Variants in ATP10B observed in about 807,000 individuals in gnomAD.
ATP10B encodes the protein ATPase phospholipid transporting 10B (putative), also known as phospholipid-transporting ATPase VB.
Under a neutral mutation model 141.2 loss-of-function variants are expected in ATP10B, and 122 were observed. The observed-to-expected ratio is 0.86, with a 90% CI of 0.75 to 1.00. ATP10B has a LOEUF of 1.00. ATP10B is among the 50% of genes least tolerant of loss of function. ATP10B has a pLI of 0.00. For synonymous variants in ATP10B, 685 were observed against 692.0 expected (o/e 0.99, Z 0.16); for missense variants, 1,876 against 1,825.3 (o/e 1.03, Z -0.51).
chr5:160,622,683 G>T, intron 13 of ATP10B, 98 bp from the exon 14 acceptor site: 2 of 1,123,024 alleles, frequency 1.8e-6, no homozygotes, highest in Non-Finnish European at 2.5e-6. Flanking sequence ...CAGCTTCATT[G>T]CAGTCTTGCA....
chr5:160,881,864 C>T, the ATP10B span, among the ~76,000 whole-genome samples: 1 of 151,896 alleles, frequency 6.6e-6, no homozygotes, highest in Non-Finnish European at 1.5e-5. Context: ...TTGGACGCAA[C>T]CAAGATTTCC....
chr5:160,766,253 A>T (rs542937470), intron 2 of ATP10B, among the ~76,000 whole-genome samples: 34 of 152,114 alleles, frequency 2.2e-4, no homozygotes, highest in African/African-American at 8.0e-4. Flanking sequence ...ACACTTGCAC[A>T]TCCATGTTTA....
intron 24 of ATP10B, among the ~76,000 whole-genome samples, chr5:160,580,232 G>A (rs1755456500): frequency 6.6e-6 from 1 of 152,130 alleles, no homozygotes; most frequent in African/African-American, 2.4e-5. Context: ...TGGCATCCTT[G>A]TTTTCTGTCG....
At chr5:160,758,652 A>G (rs1345596333) in intron 2 of ATP10B, among the ~76,000 whole-genome samples, 1 of 152,046 alleles carries the variant, frequency 6.6e-6, no homozygotes, top group African/African-American at 2.4e-5. Flanking sequence ...ACTTGGGGAG[A>G]CTGCTAACCT....
chr5:160,900,908 GTTTTTTTTT>G, the ATP10B span, among the ~76,000 whole-genome samples: 7 of 88,954 alleles, frequency 7.9e-5, no homozygotes, highest in Non-Finnish European at 1.0e-4. Context: ...GGGTAGAGAA[GTTTTTTTTT>G]TTTTTTTTTT....
At position 160,722,571 on chromosome 5, in the gene ATP10B, G is replaced by A. The variant is rs77224823; in HGVS notation, c.-330-5537C>T. Reference sequence around the variant, plus strand: ...TCAAAACACAGGGAAAAAGATTCAGGGATTAAAAAAAAAATAAGGCACAGA... The same window carrying A: ...TCAAAACACAGGGAAAAAGATTCAGAGATTAAAAAAAAAATAAGGCACAGA... On this transcript the variant is annotated intron_variant, in intron 2 of 25. Transcript: ENST00000327245. 1.0e-2 allele frequency among the ~76,000 whole-genome samples: 1,514 copies of A among 151,692 alleles called. 24 individuals carry two copies. Among genetic ancestry groups the A allele is most frequent in the African/African-American group, 0.035 (1,449 of 41,368 alleles).
intron 1 of ATP10B, among the ~76,000 whole-genome samples, chr5:160,817,869 G>C (rs927234362): frequency 1.3e-5 from 2 of 152,116 alleles, no homozygotes; most frequent in Admixed American, 6.5e-5. Flanking sequence ...TCTGATCTTT[G>C]ACAAACCTGA....
intron 24 of ATP10B, among the ~76,000 whole-genome samples, chr5:160,583,504 C>T (rs1197236462): frequency 1.3e-5 from 2 of 152,154 alleles, no homozygotes; most frequent in Admixed American, 6.5e-5. Context: ...GAGGTGTCTC[C>T]CAATCAGGAA....
rs563447579 is a variant in ATP10B, at chr5:160,680,277, A to C, written c.470+5802T>G. ...TGGATAGGGCTAGGGCATGAGATGT[A>C]ATTTCTTATGTTGCTTCCCAGAAAA... On this transcript the variant is annotated intron_variant, in intron 6 of 25. Transcript: ENST00000327245. Among the ~76,000 whole-genome samples the C allele has an allele frequency of 3.3e-5, 5 of 151,644 alleles. No homozygotes were observed. The South Asian group carries it at 1.0e-3, about 32-fold the overall frequency.
intron 21 of ATP10B, 56 bp from the exon 22 acceptor site, chr5:160,599,026 G>T: frequency 6.4e-7 from 1 of 1,562,654 alleles, no homozygotes; most frequent in Non-Finnish European, 8.8e-7. Flanking sequence ...CCGGTCACCA[G>T]CTCCTGCTTG....
chr5:160,670,565 AAGG>A lies in ATP10B; in HGVS notation c.570_572del (p.Leu191del), dbSNP rs764243365. On this transcript the variant is annotated inframe_deletion, in exon 7 of 26. Coordinates refer to ENST00000327245, the MANE Select transcript of ATP10B (RefSeq NM_025153.3). ...ATATCCCATTGGGGTCAGAGGAAAA[AAGG>A]AGGAGTATGTCTGCTGGGACAATCT... 7 of 1,613,994 alleles carry A rather than the reference AAGG, an allele frequency of 4.3e-6. No homozygotes were observed. Among genetic ancestry groups the A allele is most frequent in the South Asian group, 1.1e-5 (1 of 91,078 alleles).
At chr5:160,785,843 A>C in intron 1 of ATP10B, 40 bp from the exon 2 acceptor site, 1 of 328,644 alleles carries the variant, frequency 3.0e-6, no homozygotes, top group Non-Finnish European at 5.3e-6. Context: ...AAAATATACA[A>C]TCTCATTTTA....
At chr5:160,634,747 G>A (rs970433601) in intron 11 of ATP10B, 141 bp from the exon 12 acceptor site, 5 of 865,196 alleles carry the variant, frequency 5.8e-6, no homozygotes, top group Non-Finnish European at 8.7e-6. Context: ...AACGGTCAAT[G>A]ACCTCATGCA....
the ATP10B span, among the ~76,000 whole-genome samples, chr5:160,895,577 T>C: frequency 4.6e-5 from 7 of 152,258 alleles, no homozygotes; most frequent in Admixed American, 3.3e-4. Flanking sequence ...AAGAGAGACT[T>C]AGACTCCCAC....
chr5:160,871,976 T>C, the ATP10B span, among the ~76,000 whole-genome samples: 7 of 152,138 alleles, frequency 4.6e-5, no homozygotes, highest in Non-Finnish European at 7.4e-5. Flanking sequence ...TCCCCACTGT[T>C]TTCCATAGTG....
In ATP10B at chr5:160,785,567, T is replaced by G. The variant is rs999680998; in HGVS notation, c.-339A>C. 1 of 763,276 alleles carries G rather than the reference T, an allele frequency of 1.3e-6. No individual in the cohort carries two copies. The highest frequency in any genetic ancestry group is 2.0e-6 in the Non-Finnish European group (1 of 508,582). The allele number at this position is 763,276 out of a possible 1,614,324, so 47.3% of individuals were successfully genotyped here. On this transcript the variant is annotated 5_prime_UTR_variant, in exon 2 of 26. Transcript: ENST00000327245. The stretch of plus-strand genomic sequence containing the variant: ...AGAAGTAAAGATAGTACCTGATAGG[T>G]AGATTTCAAGTCTTGTTCCTCTTTC...
rs59036480 is a variant in ATP10B at position 160,566,665 on chromosome 5, G to C, written c.3939-765C>G. On this transcript the variant is annotated intron_variant, in intron 25 of 25. Coordinates refer to ENST00000327245, the MANE Select transcript of ATP10B (RefSeq NM_025153.3). ...TATCTGTGTCTAGAATCTTCTCTCT[G>C]TTCAAAGTGTAGGCAAGGAAAGGGG... is the stretch of plus-strand genomic sequence containing the variant. 1.4e-4 allele frequency among the ~76,000 whole-genome samples: 22 copies of C among 152,208 alleles called. No individual in the cohort carries two copies. The South Asian group carries it at 4.1e-3, about 29-fold the overall frequency.
At chr5:160,871,739 T>C in the ATP10B span, among the ~76,000 whole-genome samples, 5 of 152,338 alleles carry the variant, frequency 3.3e-5, no homozygotes, top group African/African-American at 1.2e-4. Context: ...ATCATGTATA[T>C]ACATCACAGT....
chr5:160,750,819 C>T (rs768807556), intron 2 of ATP10B, among the ~76,000 whole-genome samples: 18 of 152,190 alleles, frequency 1.2e-4, no homozygotes, highest in Non-Finnish European at 2.1e-4. Context: ...CCACTCCAGC[C>T]GGAAGGAACT....
Sources: allele counts gnomAD v4.1 joint callset (sites outside exome capture counted in the v4.1 genomes callset), GRCh38; gene constraint gnomAD v4.1.1; transcripts MANE v1.5; gene names NCBI Gene and HGNC (gene_info 2026-07-23, HGNC 2026-07-21).